NFIB: variants seen among roughly 807,000 people sequenced by gnomAD.
The protein encoded by NFIB is nuclear factor 1 B-type.
A neutral mutation model predicts 61.5 loss-of-function variants in NFIB; 11 were observed. That is an observed-to-expected ratio of 0.18 (90% CI 0.11 to 0.30). The LOEUF is 0.30. Ranked by LOEUF, NFIB falls within the 10% of genes least tolerant of loss-of-function variation. The pLI, the probability that NFIB is intolerant of heterozygous loss-of-function variation, is 1.00. For missense variants in NFIB, 471 were observed against 608.9 expected, an observed-to-expected ratio of 0.77 and a Z score of 2.38; for synonymous variants, 260 against 216.5, an observed-to-expected ratio of 1.20 and a Z score of -1.76.
the NFIB span, among the ~76,000 whole-genome samples, chr9:14,477,923 C>T: frequency 2.6e-5 from 4 of 152,134 alleles, no homozygotes; most frequent in African/African-American, 7.2e-5. Context: ...TGATGTCTTC[C>T]AGACCCATAA....
chr9:14,240,210 T>A (rs1009924995), intron 2 of NFIB, among the ~76,000 whole-genome samples: 4 of 152,086 alleles, frequency 2.6e-5, no homozygotes, highest in Non-Finnish European at 4.4e-5. Flanking sequence ...TTTGGAAAAA[T>A]TCCTAGAGAG....
In NFIB at chr9:14,307,686, G is replaced by A. The variant is rs1306738294; in HGVS notation, c.31-166C>T. ...TAAAATTATCAAAATAACAGGACAA[G>A]AAGAAAGTAAAGTATGCCCAGCTGT... is the stretch of plus-strand genomic sequence containing the variant. On this transcript the variant is annotated intron_variant, in intron 1 of 10. Coordinates refer to ENST00000380953, the MANE Select transcript of NFIB (RefSeq NM_001190737.2). This position sits in a 1 kb window ranked among gnomAD's most constrained non-coding sequence, Gnocchi z 5.3. Among the ~76,000 whole-genome samples the A allele has an allele frequency of 6.6e-6, 1 of 152,090 alleles. No homozygotes were observed. The highest frequency in any genetic ancestry group is 2.4e-5 in the African/African-American group (1 of 41,410).
chr9:14,122,029 T>C (rs1389692071), intron 7 of NFIB, among the ~76,000 whole-genome samples: 1 of 152,134 alleles, frequency 6.6e-6, no homozygotes, highest in Non-Finnish European at 1.5e-5. Flanking sequence ...TATTTTAATA[T>C]TTCCCAATTC....
chr9:14,403,528 C>T (rs2061762562), upstream of NFIB, among the ~76,000 whole-genome samples: 1 of 151,966 alleles, frequency 6.6e-6, no homozygotes, highest in African/African-American at 2.4e-5. Context: ...CCCCTCCCCT[C>T]CTCTCCCCTC....
Position 14,120,299 on chromosome 9 carries a change from G to T in NFIB, c.1245+141C>A. 1.1e-6 allele frequency: 1 copy of T among 872,030 alleles called. No individual in the cohort carries two copies. The allele number at this position is 872,030 out of a possible 1,614,324, so 54.0% of individuals were successfully genotyped here. On this transcript the variant is annotated intron_variant, in intron 8 of 10. Coordinates refer to ENST00000380953, the MANE Select transcript of NFIB (RefSeq NM_001190737.2). This position sits in a 1 kb window ranked among gnomAD's most constrained non-coding sequence, Gnocchi z 4.4. ...AGCCACCTTTAAATAAAAACTTATT[G>T]AGTCACCAAGCAACTTCCTGAAGAT... is the stretch of plus-strand genomic sequence containing the variant.
At chr9:14,290,254 T>G (rs986058196) in intron 2 of NFIB, among the ~76,000 whole-genome samples, 1 of 152,060 alleles carries the variant, frequency 6.6e-6, no homozygotes, top group Non-Finnish European at 1.5e-5. Context: ...AATTACAGTA[T>G]TTAAATTTTT....
At chr9:14,318,361 T>C (rs1234257044), upstream of NFIB, among the ~76,000 whole-genome samples, 2 of 152,188 alleles carry the variant, frequency 1.3e-5, no homozygotes. Context: ...AGAGAGGAGC[T>C]TGACATCTCA....
At chr9:14,384,075 G>A (rs79945014) in intron 1 of NFIB, among the ~76,000 whole-genome samples, 12,175 of 152,206 alleles carry the variant, frequency 0.08, 615 homozygotes, top group Admixed American at 0.12. Flanking sequence ...TTCATGAGGA[G>A]CACGCCACAT....
At position 14,085,477 on chromosome 9, in the gene NFIB, A is replaced by T. The variant is rs2032715540; in HGVS notation, c.*2832T>A. 1 of 221,354 alleles carries T rather than the reference A, an allele frequency of 4.5e-6. No homozygotes were observed. The highest frequency in any genetic ancestry group is 6.6e-5 in the East Asian group (1 of 15,084). The allele number at this position is 221,354 out of a possible 1,614,324, so 13.7% of individuals were successfully genotyped here. The stretch of plus-strand genomic sequence containing the variant: ...ATATATAGTTAAGGTACCATTCCTT[A>T]AAAAAATCCCATCAGCATCTAATGG... On this transcript the variant is annotated 3_prime_UTR_variant, in exon 11 of 11. Coordinates refer to ENST00000380953, the MANE Select transcript of NFIB (RefSeq NM_001190737.2).
the NFIB span, among the ~76,000 whole-genome samples, chr9:14,462,474 G>T: frequency 1.4e-4 from 22 of 151,880 alleles, no homozygotes; most frequent in South Asian, 6.2e-4. Flanking sequence ...AGTGGAGACG[G>T]GGTTTCACTG....
rs1461095150 is a variant in NFIB, at chr9:14,120,996, C to T, written c.1061-372G>A. Among the ~76,000 whole-genome samples, 1 of 152,222 alleles carries T rather than the reference C, an allele frequency of 6.6e-6. No homozygotes were observed. Among genetic ancestry groups the T allele is most frequent in the African/African-American group, 2.4e-5 (1 of 41,450 alleles). On this transcript the variant is annotated intron_variant, in intron 7 of 10. Coordinates refer to ENST00000380953, the MANE Select transcript of NFIB (RefSeq NM_001190737.2). The surrounding 1 kb of genome is among the most constrained non-coding windows in gnomAD (Gnocchi z 4.4). ...AAAATCTTTAGGCCGGGTGCAGTAG[C>T]TCACACCTGTAATCCCAGCACTTTG...
At chr9:14,436,821 A>G in the NFIB span, among the ~76,000 whole-genome samples, 1 of 152,236 alleles carries the variant, frequency 6.6e-6, no homozygotes, top group East Asian at 1.9e-4. Flanking sequence ...CTGAATCTTA[A>G]GGATTCAGTG....
intron 10 of NFIB, among the ~76,000 whole-genome samples, chr9:14,094,999 T>C (rs2034556750): frequency 6.6e-6 from 1 of 152,054 alleles, no homozygotes; most frequent in Non-Finnish European, 1.5e-5. Flanking sequence ...TTTTATCTAA[T>C]AAAGAGCACA....
intron 1 of NFIB, among the ~76,000 whole-genome samples, chr9:14,358,954 A>G (rs1588364737): frequency 6.6e-6 from 1 of 152,244 alleles, no homozygotes; most frequent in Non-Finnish European, 1.5e-5. Flanking sequence ...ACTATTATTT[A>G]TGCTCTTGAG....
intron 2 of NFIB, among the ~76,000 whole-genome samples, chr9:14,284,101 T>C (rs2058559365): frequency 6.6e-6 from 1 of 152,220 alleles, no homozygotes; most frequent in Non-Finnish European, 1.5e-5. Flanking sequence ...TGCCTCTTAC[T>C]AGCTTTCGGA....
intron 1 of NFIB, among the ~76,000 whole-genome samples, chr9:14,358,485 G>C (rs1429237502): frequency 1.3e-5 from 2 of 152,118 alleles, no homozygotes; most frequent in Non-Finnish European, 2.9e-5. Flanking sequence ...ACCCACAGCA[G>C]TCATACTTGT....
chr9:14,213,923 C>G (rs1045862626), intron 2 of NFIB, among the ~76,000 whole-genome samples: 7 of 151,128 alleles, frequency 4.6e-5, no homozygotes, highest in Non-Finnish European at 1.0e-4. Context: ...TGTAAACATA[C>G]CCCCAACTCC....
intron 6 of NFIB, among the ~76,000 whole-genome samples, chr9:14,141,079 G>GT (rs1256003116): frequency 6.6e-6 from 1 of 152,134 alleles, no homozygotes; most frequent in Non-Finnish European, 1.5e-5. Flanking sequence ...GGCTTAATGC[G>GT]TTTGACATTT....
At chr9:14,416,156 T>A in the NFIB span, among the ~76,000 whole-genome samples, 31 of 152,306 alleles carry the variant, frequency 2.0e-4, no homozygotes, top group East Asian at 5.4e-3. Flanking sequence ...ATGCACCACA[T>A]AACCACTTTT....
Sources: allele counts gnomAD v4.1 joint callset (sites outside exome capture counted in the v4.1 genomes callset), GRCh38; gene constraint gnomAD v4.1.1; non-coding constraint Gnocchi (gnomAD v3.1); transcripts MANE v1.5; gene names NCBI Gene and HGNC (gene_info 2026-07-23, HGNC 2026-07-21).